HTR7: variants seen among roughly 807,000 people sequenced by gnomAD.
HTR7 encodes 5-HT-7.
HTR7 carries 16 observed loss-of-function variants against 34.0 expected under a neutral mutation model. The ratio of observed to expected loss-of-function variants is 0.47; its 90% confidence interval spans 0.32 to 0.71. The LOEUF (loss-of-function observed/expected upper bound fraction) is 0.71, where lower values mean the gene tolerates loss of function less well. Among genes scored for constraint, HTR7 ranks in the 30% least tolerant of loss-of-function variants. The pLI is 0.04. For synonymous variants in HTR7, 265 were observed against 260.2 expected, an observed-to-expected ratio of 1.02 and a Z score of -0.18; for missense variants, 504 against 625.5, an observed-to-expected ratio of 0.81 and a Z score of 2.07.
chr10:90,774,778 G>A (rs549581345), intron 1 of HTR7, among the ~76,000 whole-genome samples: 8 of 152,274 alleles, frequency 5.3e-5, no homozygotes, highest in African/African-American at 1.4e-4. Flanking sequence ...ACCAAGACCA[G>A]CAAAACTCTG....
At chr10:90,810,856 C>T (rs1042441204) in intron 1 of HTR7, among the ~76,000 whole-genome samples, 8 of 152,168 alleles carry the variant, frequency 5.3e-5, no homozygotes, top group African/African-American at 1.9e-4. Context: ...TTACCTGTCT[C>T]GGCGTAATTC....
At chr10:90,776,789 A>G (rs939706648) in intron 1 of HTR7, among the ~76,000 whole-genome samples, 1 of 152,222 alleles carries the variant, frequency 6.6e-6, no homozygotes, top group African/African-American at 2.4e-5. Context: ...CACTTAGATA[A>G]GTATGGTATA....
At chr10:90,766,705 C>T (rs1318236803) in intron 1 of HTR7, among the ~76,000 whole-genome samples, 1 of 152,116 alleles carries the variant, frequency 6.6e-6, no homozygotes, top group African/African-American at 2.4e-5. Flanking sequence ...TACTACAGGT[C>T]TTTCCTTTGT....
At chr10:90,802,641 C>A (rs1845647197) in intron 1 of HTR7, among the ~76,000 whole-genome samples, 1 of 152,194 alleles carries the variant, frequency 6.6e-6, no homozygotes, top group Admixed American at 6.5e-5. Flanking sequence ...TTATAGCTAG[C>A]CTTAAAAATT....
intron 1 of HTR7, among the ~76,000 whole-genome samples, chr10:90,768,984 A>T (rs1845066591): frequency 6.6e-6 from 1 of 152,202 alleles, no homozygotes; most frequent in Admixed American, 6.5e-5. Flanking sequence ...CACAGTACTG[A>T]TGATTCCTCC....
intron 1 of HTR7, among the ~76,000 whole-genome samples, chr10:90,779,125 GTGT>G (rs1228975046): frequency 2.0e-5 from 3 of 152,196 alleles, no homozygotes; most frequent in Admixed American, 6.5e-5. Context: ...CCACTTCATA[GTGT>G]TGTTTCCTTG....
intron 1 of HTR7, among the ~76,000 whole-genome samples, chr10:90,772,559 A>C (rs1845133230): frequency 6.6e-6 from 1 of 152,132 alleles, no homozygotes; most frequent in Non-Finnish European, 1.5e-5. Flanking sequence ...TAAAGCAAAA[A>C]TCTTCCAGAA....
chr10:90,817,403 C>T (rs1219318187), intron 1 of HTR7, among the ~76,000 whole-genome samples: 1 of 152,222 alleles, frequency 6.6e-6, no homozygotes, highest in African/African-American at 2.4e-5. Flanking sequence ...AACATGCTTT[C>T]ACCCCTCCCT....
At chr10:90,771,410 G>A (rs747519822) in intron 1 of HTR7, among the ~76,000 whole-genome samples, 1 of 152,234 alleles carries the variant, frequency 6.6e-6, no homozygotes, top group Non-Finnish European at 1.5e-5. Context: ...CTGCTCACCA[G>A]GTTGCAGGCA....
At chr10:90,825,617 G>A (rs530637795) in intron 1 of HTR7, among the ~76,000 whole-genome samples, 1 of 152,292 alleles carries the variant, frequency 6.6e-6, no homozygotes, top group South Asian at 2.1e-4. Context: ...ATAACACAGA[G>A]AAGGAATTTG....
chr10:90,785,304 A>G (rs757918236), intron 1 of HTR7, among the ~76,000 whole-genome samples: 48 of 152,290 alleles, frequency 3.2e-4, no homozygotes, highest in Non-Finnish European at 5.4e-4. Context: ...TGTCCCATAA[A>G]CATCAGAGGC....
At chr10:90,763,612 C>T (rs1454430671) in intron 1 of HTR7, among the ~76,000 whole-genome samples, 1 of 152,194 alleles carries the variant, frequency 6.6e-6, no homozygotes, top group African/African-American at 2.4e-5. Context: ...GCTCTCCCTC[C>T]TCTTGCCCCC....
At chr10:90,821,588 C>G (rs1457010044) in intron 1 of HTR7, among the ~76,000 whole-genome samples, 1 of 152,188 alleles carries the variant, frequency 6.6e-6, no homozygotes, top group African/African-American at 2.4e-5. Flanking sequence ...CAAGGCAATT[C>G]CTAGTGCTGT....
At chr10:90,773,449 T>A (rs1376052853) in intron 1 of HTR7, among the ~76,000 whole-genome samples, 1 of 143,746 alleles carries the variant, frequency 7.0e-6, no homozygotes, top group East Asian at 2.0e-4. Context: ...CAAGCATTTA[T>A]CTTTTGTGTT....
chr10:90,791,142 A>G (rs536157156), intron 1 of HTR7, among the ~76,000 whole-genome samples: 1 of 152,160 alleles, frequency 6.6e-6, no homozygotes, highest in Admixed American at 6.5e-5. Context: ...AGAAATTACC[A>G]TGGGCCAGTA....
At chr10:90,773,465 C>A (rs1293586981) in intron 1 of HTR7, among the ~76,000 whole-genome samples, 1 of 152,118 alleles carries the variant, frequency 6.6e-6, no homozygotes. Context: ...GTGTTACAAA[C>A]AATCTACTGA....
chr10:90,807,759 T>A (rs1589459132), intron 1 of HTR7, among the ~76,000 whole-genome samples: 1 of 152,332 alleles, frequency 6.6e-6, no homozygotes, highest in East Asian at 1.9e-4. Context: ...GTGACTCAGA[T>A]CGGGGGACCT....
chr10:90,784,701 T>C (rs1845356274), intron 1 of HTR7, among the ~76,000 whole-genome samples: 1 of 152,204 alleles, frequency 6.6e-6, no homozygotes. Context: ...TTGACTTTAC[T>C]ACCTTCTTTC....
intron 1 of HTR7, among the ~76,000 whole-genome samples, chr10:90,791,995 C>A (rs970409379): frequency 6.6e-6 from 1 of 152,112 alleles, no homozygotes; most frequent in Non-Finnish European, 1.5e-5. Flanking sequence ...GTGGCTCAAA[C>A]TCCTCGTTTT....
Sources: gnomAD v4.1 joint callset for allele counts (sites outside exome capture counted in the v4.1 genomes callset) on GRCh38, gnomAD v4.1.1 for gene constraint, MANE v1.5 for transcripts, NCBI Gene and HGNC (gene_info 2026-07-23, HGNC 2026-07-21) for gene names.